Variants in ARHGEF18 observed in about 807,000 individuals in gnomAD.
The protein encoded by ARHGEF18 is rho guanine nucleotide exchange factor 18.
In ARHGEF18, 93 loss-of-function variants were observed where a neutral mutation model predicts 155.7. That is an observed-to-expected ratio of 0.60 (90% confidence interval 0.50 to 0.71). ARHGEF18 has a LOEUF of 0.71. ARHGEF18 is among the 30% of genes least tolerant of loss of function. The probability of loss-of-function intolerance (pLI) is 0.00; values close to 1 mark genes in which losing one functional copy is unlikely to be tolerated. For missense variants in ARHGEF18, 1,593 were observed against 1,816.1 expected (o/e 0.88, Z 2.23); for synonymous variants, 742 against 753.1 (o/e 0.99, Z 0.24).
Position 7,463,894 on chromosome 19 carries a change from A to AGGAG in ARHGEF18, c.2714_2715insAGGG (p.Pro906GlyfsTer7). 6.3e-7 allele frequency: 1 copy of AGGAG among 1,599,826 alleles called. No homozygotes were observed. Among genetic ancestry groups the AGGAG allele is most frequent in the Non-Finnish European group, 8.5e-7 (1 of 1,173,862 alleles). The stretch of plus-strand genomic sequence containing the variant: ...AGGCGGAAGACGGAGGCAGCTCCAC[A>AGGAG]GGCCCGCCCAGGAGGGCTGAGACCT... On this transcript the variant is annotated frameshift_variant, in exon 22 of 29. Transcript: ENST00000668164. LOFTEE classifies it high-confidence loss of function. The surrounding 1 kb of genome is among the most constrained non-coding windows in gnomAD (Gnocchi z 5.2).
At position 7,467,691 on chromosome 19, in the gene ARHGEF18, G is replaced by A. The variant is rs2303144; in HGVS notation, c.3480+7G>A. ...GCCCGACACACTGGCCGAGGTGAGC[G>A]CGCAGCAGCCAGTGTGCGCAGGTTG... On this transcript the variant is annotated splice_region_variant and intron_variant, in intron 26 of 28. Coordinates refer to ENST00000668164, the MANE Select transcript of ARHGEF18 (RefSeq NM_001367823.1). The A allele has an allele frequency of 0.15, 224,879 of 1,481,314 alleles. 20,001 individuals are homozygous for A. The highest frequency in any genetic ancestry group is 0.41 in the African/African-American group (28,584 of 69,080). 91.8% of individuals were successfully genotyped at this position (1,481,314 alleles called of 1,614,324 possible).
At chr19:7,477,887 T>C in the ARHGEF18 span, among the ~76,000 whole-genome samples, 3,391 of 152,330 alleles carry the variant, frequency 0.022, 138 homozygotes, top group African/African-American at 0.078. Context: ...CCAGGCGTGC[T>C]GGCCCGTGCC....
intron 10 of ARHGEF18, among the ~76,000 whole-genome samples, chr19:7,399,419 A>G (rs933510426): frequency 1.3e-5 from 2 of 152,060 alleles, no homozygotes; most frequent in Non-Finnish European, 2.9e-5. Flanking sequence ...TCAACTGAGT[A>G]TAGAGTTCTA....
intron 10 of ARHGEF18, among the ~76,000 whole-genome samples, chr19:7,389,777 C>A (rs1014821329): frequency 6.6e-6 from 1 of 152,098 alleles, no homozygotes; most frequent in South Asian, 2.1e-4. Context: ...TCAAGCGATC[C>A]GCCCACGAGT....
chr19:7,359,280 G>A (rs920647680), intron 1 of ARHGEF18, among the ~76,000 whole-genome samples: 8 of 152,188 alleles, frequency 5.3e-5, no homozygotes, highest in African/African-American at 1.9e-4. Flanking sequence ...TGGACTACAG[G>A]GGAGAGACTG....
chr19:7,477,293 C>T, downstream of ARHGEF18: 1 of 1,578,448 alleles, frequency 6.3e-7, no homozygotes, highest in Non-Finnish European at 8.6e-7. Flanking sequence ...GCCCACTAGC[C>T]ACGGCGGGAA....
At chr19:7,473,147 A>C, downstream of ARHGEF18, 1 of 456,286 alleles carries the variant, frequency 2.2e-6, no homozygotes, top group Non-Finnish European at 4.4e-6. Context: ...CAGCTTGGCC[A>C]TGAGTATGAA....
In ARHGEF18 at chr19:7,440,511, G is replaced by C. The variant is rs768732615; in HGVS notation, c.1106+29G>C. ...AGCCAGGGTCCCCTCTGTGCCCTCG[G>C]GTGGGTGGTGGCATTCCCCGGGGAG... On this transcript the variant is annotated intron_variant, in intron 11 of 28. Transcript: ENST00000668164. This position sits in a 1 kb window ranked among gnomAD's most constrained non-coding sequence, Gnocchi z 5.4. 2.9e-5 allele frequency: 45 copies of C among 1,570,882 alleles called. No homozygotes were observed. In the Admixed American group the frequency reaches 7.6e-4, roughly 26 times the overall value.
At chr19:7,381,055 T>C in intron 8 of ARHGEF18, 61 bp downstream of exon 8, 3 of 1,193,422 alleles carry the variant, frequency 2.5e-6, no homozygotes, top group Non-Finnish European at 3.1e-6. Flanking sequence ...TGTTTACAGA[T>C]GGTCCTTTGG....
chr19:7,444,036 T>C lies in ARHGEF18; in HGVS notation c.1361-168T>C, dbSNP rs1213241733. ...CTTCAGGCTGGGATCCCCCGCAGCATTCTAAACCCTGGACACCCTGGAAGT... is the reference window on the plus strand; with the variant it reads ...CTTCAGGCTGGGATCCCCCGCAGCACTCTAAACCCTGGACACCCTGGAAGT... On this transcript the variant is annotated intron_variant, in intron 13 of 28. Transcript: ENST00000668164. The surrounding 1 kb of genome is among the most constrained non-coding windows in gnomAD (Gnocchi z 4.7). Among the ~76,000 whole-genome samples the C allele has an allele frequency of 6.6e-6, 1 of 152,136 alleles. No homozygotes were observed. The highest frequency in any genetic ancestry group is 2.4e-5 in the African/African-American group (1 of 41,430).
At chr19:7,364,467 TG>T (rs1168449038) in intron 2 of ARHGEF18, among the ~76,000 whole-genome samples, 1 of 151,600 alleles carries the variant, frequency 6.6e-6, no homozygotes, top group African/African-American at 2.4e-5. Flanking sequence ...GTTCCCGTCA[TG>T]GCAGAGTTGG....
In ARHGEF18 at chr19:7,367,746, CAA is replaced by C. The variant is rs776839774; in HGVS notation, c.15+4853_15+4854del. The stretch of plus-strand genomic sequence containing the variant: ...AGGCAACAAGAGTGAAACTCCATCT[CAA>C]AAAAAAAAAAATATATATATATATA... On this transcript the variant is annotated intron_variant, in intron 2 of 28. Coordinates refer to ENST00000668164, the MANE Select transcript of ARHGEF18 (RefSeq NM_001367823.1). Among the ~76,000 whole-genome samples, 4 of 36,346 alleles carry C rather than the reference CAA, an allele frequency of 1.1e-4. 1 individual carries two copies. Among genetic ancestry groups the C allele is most frequent in the African/African-American group, 1.6e-4 (1 of 6,212 alleles). 23.8% of individuals were successfully genotyped at this position (36,346 alleles called of 152,430 possible).
intron 10 of ARHGEF18, among the ~76,000 whole-genome samples, chr19:7,410,463 A>G (rs533347092): frequency 1.3e-5 from 2 of 151,872 alleles, no homozygotes; most frequent in South Asian, 2.1e-4. Context: ...GATTTCAGCT[A>G]TGTAACTAGA....
At chr19:7,430,920 A>C (rs115498952) in intron 10 of ARHGEF18, among the ~76,000 whole-genome samples, 4,411 of 152,250 alleles carry the variant, frequency 0.029, 223 homozygotes, top group African/African-American at 0.1. Context: ...GAACTCCAGC[A>C]CTTTGGGAGG....
At chr19:7,420,564 T>C (rs988105379) in intron 10 of ARHGEF18, among the ~76,000 whole-genome samples, 2 of 152,202 alleles carry the variant, frequency 1.3e-5, no homozygotes, top group African/African-American at 4.8e-5. Flanking sequence ...GTTTTGCTTG[T>C]TTTTAAGTGA....
At chr19:7,460,954 A>T (rs1976207282) in intron 20 of ARHGEF18, among the ~76,000 whole-genome samples, 1 of 151,612 alleles carries the variant, frequency 6.6e-6, no homozygotes, top group Non-Finnish European at 1.5e-5. Context: ...ACGCCCCACT[A>T]ATTTTTGTGT....
chr19:7,438,693 G>A (rs529936018), intron 10 of ARHGEF18, among the ~76,000 whole-genome samples: 57 of 152,218 alleles, frequency 3.7e-4, no homozygotes, highest in African/African-American at 1.3e-3. Flanking sequence ...TTACAGGCAT[G>A]AGCCACCGTG....
At chr19:7,407,832 C>T (rs957510617) in intron 10 of ARHGEF18, among the ~76,000 whole-genome samples, 4 of 151,668 alleles carry the variant, frequency 2.6e-5, no homozygotes, top group Admixed American at 1.3e-4. Context: ...GCGTGGTGGC[C>T]GCGCCTGGAG....
At chr19:7,356,693 T>G (rs935827752) in intron 1 of ARHGEF18, among the ~76,000 whole-genome samples, 16 of 152,182 alleles carry the variant, frequency 1.1e-4, no homozygotes, top group Admixed American at 1.3e-4. Context: ...GGTCATGCAC[T>G]CATTGCCTCA....
Sources: allele counts gnomAD v4.1 joint callset (sites outside exome capture counted in the v4.1 genomes callset), GRCh38; gene constraint gnomAD v4.1.1; non-coding constraint Gnocchi (gnomAD v3.1); transcripts MANE v1.5; gene names NCBI Gene and HGNC (gene_info 2026-07-23, HGNC 2026-07-21).